The following PIK3C2G variants were observed in gnomAD, a reference collection of about 807,000 sequenced individuals.
PIK3C2G encodes phosphatidylinositol-4-phosphate 3-kinase catalytic subunit type 2 gamma, also known as phosphatidylinositol 3-kinase C2 domain-containing subunit gamma.
PIK3C2G carries 168 observed loss-of-function variants against 181.1 expected under a neutral mutation model. The ratio of observed to expected loss-of-function variants is 0.93; its 90% CI spans 0.82 to 1.05. The LOEUF (loss-of-function observed/expected upper bound fraction) is 1.05, where lower values mean the gene tolerates loss of function less well. Among genes scored for constraint, PIK3C2G ranks in the 50% least tolerant of loss-of-function variants. PIK3C2G has a pLI of 0.00. For missense variants in PIK3C2G, 1,869 were observed against 1,732.8 expected (o/e 1.08, Z -1.40); for synonymous variants, 573 against 592.2 (o/e 0.97, Z 0.47).
At chr12:18,457,970 C>A (rs541952962) in intron 18 of PIK3C2G, among the ~76,000 whole-genome samples, 4 of 152,050 alleles carry the variant, frequency 2.6e-5, no homozygotes, top group African/African-American at 7.2e-5. Flanking sequence ...TCTTTTATAA[C>A]CTTCTTTCTT....
At position 18,424,054 on chromosome 12, in the gene PIK3C2G, A is replaced by T; in HGVS notation, c.2504+15A>T. On this transcript the variant is annotated intron_variant, in intron 18 of 32. Transcript: ENST00000538779. Reference sequence around the variant, plus strand: ...CGTCTTTACTGGTAAGATTAACTAAATCAGGCAAGGATGCCTTTTTAATTG... The same window carrying T: ...CGTCTTTACTGGTAAGATTAACTAATTCAGGCAAGGATGCCTTTTTAATTG... 1 of 1,547,936 alleles carries T rather than the reference A, an allele frequency of 6.5e-7. No individual in the cohort carries two copies. The highest frequency in any genetic ancestry group is 1.1e-5 in the South Asian group (1 of 87,688).
At chr12:18,385,796 C>T (rs1943131198) in intron 14 of PIK3C2G, among the ~76,000 whole-genome samples, 2 of 152,014 alleles carry the variant, frequency 1.3e-5, no homozygotes, top group South Asian at 4.1e-4. Flanking sequence ...GAACTCCTGA[C>T]CTCAGGTAAT....
At chr12:18,252,750 C>G (rs922465358) in intron 1 of PIK3C2G, among the ~76,000 whole-genome samples, 6 of 152,068 alleles carry the variant, frequency 3.9e-5, no homozygotes, top group African/African-American at 1.4e-4. Context: ...GGGTACCTCT[C>G]CAAAGAAAAG....
chr12:18,722,264 T>C, the PIK3C2G span, among the ~76,000 whole-genome samples: 2 of 152,014 alleles, frequency 1.3e-5, no homozygotes, highest in African/African-American at 4.8e-5. Flanking sequence ...AAGATATCCT[T>C]TTACATGCTT....
At chr12:18,421,173 G>A in intron 17 of PIK3C2G, 139 bp downstream of exon 17, 1 of 423,794 alleles carries the variant, frequency 2.4e-6, no homozygotes, top group Non-Finnish European at 4.3e-6. Flanking sequence ...GTCAACATGG[G>A]TAATGAAGAC....
chr12:18,282,929 T>C (rs1318507390), intron 2 of PIK3C2G, among the ~76,000 whole-genome samples, 170 bp downstream of exon 2: 1 of 137,388 alleles, frequency 7.3e-6, no homozygotes, highest in African/African-American at 2.6e-5. Context: ...TGATTTTTTT[T>C]CTGAGAAAAA....
rs538862499 is a variant in PIK3C2G, at chr12:18,361,033, G to A, written c.1626-1731G>A. ...ACATTGATATATTGGCCGGCTTGAC[G>A]GTGCCCATTATTCTCTTTGGCTTTC... On this transcript the variant is annotated intron_variant, in intron 11 of 32. Coordinates refer to ENST00000538779, the MANE Select transcript of PIK3C2G (RefSeq NM_001288772.2). 3.2e-4 allele frequency among the ~76,000 whole-genome samples: 48 copies of A among 151,910 alleles called. No homozygotes were observed. The South Asian group carries it at 6.0e-3, about 19-fold the overall frequency.
intron 31 of PIK3C2G, among the ~76,000 whole-genome samples, chr12:18,627,109 TTC>T (rs1949136530): frequency 6.6e-6 from 1 of 151,918 alleles, no homozygotes; most frequent in African/African-American, 2.4e-5. Flanking sequence ...ATTTCAAATG[TTC>T]TGTCTTCACA....
At chr12:18,347,424 A>G (rs1291785774) in intron 11 of PIK3C2G, among the ~76,000 whole-genome samples, 1 of 152,212 alleles carries the variant, frequency 6.6e-6, no homozygotes, top group Non-Finnish European at 1.5e-5. Context: ...AGAGATAATT[A>G]AAGTTGATAA....
intron 11 of PIK3C2G, chr12:18,358,800 C>A: frequency 3.3e-6 from 1 of 303,532 alleles, no homozygotes. Flanking sequence ...TTAGACTCAT[C>A]TGTGTAGTCA....
intron 32 of PIK3C2G, among the ~76,000 whole-genome samples, chr12:18,646,026 AAGG>A (rs1403802900): frequency 6.6e-6 from 1 of 152,138 alleles, no homozygotes; most frequent in Non-Finnish European, 1.5e-5. Flanking sequence ...AGAAAAGGAA[AAGG>A]AGTTTACTCT....
chr12:18,418,717 G>T (rs1056698739), intron 16 of PIK3C2G, among the ~76,000 whole-genome samples: 1 of 152,126 alleles, frequency 6.6e-6, no homozygotes, highest in Non-Finnish European at 1.5e-5. Context: ...GTAAAGATAA[G>T]AGAATACTAG....
chr12:18,262,366 T>C (rs888165646), intron 1 of PIK3C2G, among the ~76,000 whole-genome samples: 6 of 152,240 alleles, frequency 3.9e-5, no homozygotes, highest in Middle Eastern at 3.4e-3. Context: ...ATGTAATTAT[T>C]GCATCTTAGG....
chr12:18,533,302 C>A (rs1943655978), intron 24 of PIK3C2G, among the ~76,000 whole-genome samples: 2 of 152,136 alleles, frequency 1.3e-5, no homozygotes, highest in Admixed American at 1.3e-4. Context: ...AAGCTCAAAG[C>A]TCAGCTACCT....
At chr12:18,551,792 T>C (rs74068090) in intron 26 of PIK3C2G, among the ~76,000 whole-genome samples, 7,914 of 152,188 alleles carry the variant, frequency 0.052, 688 homozygotes, top group African/African-American at 0.18. Flanking sequence ...TAGTTTCTAG[T>C]GGAAACACAC....
At chr12:18,524,828 A>G (rs925733126) in intron 24 of PIK3C2G, among the ~76,000 whole-genome samples, 1 of 151,478 alleles carries the variant, frequency 6.6e-6, no homozygotes. Flanking sequence ...TTGGCCTCCC[A>G]AAGTGCTAGG....
the PIK3C2G span, among the ~76,000 whole-genome samples, chr12:18,664,942 G>A: frequency 6.9e-6 from 1 of 145,320 alleles, no homozygotes; most frequent in Non-Finnish European, 1.5e-5. Context: ...TCACTCATAG[G>A]TGGGAATTGA....
chr12:18,620,943 T>C (rs1272872887), intron 31 of PIK3C2G, among the ~76,000 whole-genome samples: 1 of 152,120 alleles, frequency 6.6e-6, no homozygotes. Flanking sequence ...AAGATAAGTA[T>C]CTAAGGTATA....
chr12:18,352,462 G>A (rs1250105877), intron 11 of PIK3C2G, among the ~76,000 whole-genome samples: 1 of 152,128 alleles, frequency 6.6e-6, no homozygotes, highest in African/African-American at 2.4e-5. Context: ...GTGCTTCTGG[G>A]TGCTGGCAGG....
Sources: allele counts gnomAD v4.1 joint callset (sites outside exome capture counted in the v4.1 genomes callset), GRCh38; gene constraint gnomAD v4.1.1; transcripts MANE v1.5; gene names NCBI Gene and HGNC (gene_info 2026-07-23, HGNC 2026-07-21).